The following TET3 variants were observed in gnomAD, a reference collection of about 807,000 sequenced individuals.
TET3 encodes the protein methylcytosine dioxygenase TET3.
In TET3, 19 loss-of-function variants were observed where a neutral mutation model predicts 141.4. The observed-to-expected ratio is 0.13, with a 90% confidence interval of 0.09 to 0.20. The LOEUF (loss-of-function observed/expected upper bound fraction) is 0.20. Among genes scored for constraint, TET3 ranks in the 10% least tolerant of loss-of-function variants. TET3 has a pLI of 1.00. For synonymous variants in TET3, 1,043 were observed against 980.9 expected (o/e 1.06, Z -1.18); for missense variants, 1,874 against 2,356.9 (o/e 0.80, Z 4.24).
At chr2:74,117,512 G>T in the TET3 span, among the ~76,000 whole-genome samples, 1 of 151,960 alleles carries the variant, frequency 6.6e-6, no homozygotes, top group Non-Finnish European at 1.5e-5. Flanking sequence ...GAGTACCTGG[G>T]ACCACAGGCA....
At position 74,047,244 on chromosome 2, in the gene TET3, C is replaced by T; in HGVS notation, c.1327C>T (p.Pro443Ser). Reference protein sequence around the residue: ...FPEAWGTDTPPATPRSSWPMP... With the variant: ...FPEAWGTDTPSATPRSSWPMP... ...TGAAGCCTGGGGCACTGACACCCCT[C>T]CAGCAACGCCCCGGAGCTCCTGGCC... The change falls in exon 4 of 12, where the codon CCA (proline) becomes TCA (serine). Residue 443 changes from proline to serine, a missense_variant. Pro to Ser is a moderately conservative substitution (Grantham distance 74, BLOSUM62 -1). This residue lies in a region of TET3 where 484 missense variants were observed against 462.2 expected (regional missense o/e 1.05). Coordinates refer to ENST00000409262, the MANE Select transcript of TET3 (RefSeq NM_001287491.2). 1 of 1,614,034 alleles carries T rather than the reference C, an allele frequency of 6.2e-7. No homozygotes were observed. Among genetic ancestry groups the T allele is most frequent in the Non-Finnish European group, 8.5e-7 (1 of 1,179,894 alleles).
At chr2:74,078,030 A>T (rs940563713) in intron 5 of TET3, among the ~76,000 whole-genome samples, 2 of 152,224 alleles carry the variant, frequency 1.3e-5, no homozygotes, top group Non-Finnish European at 2.9e-5. Context: ...TGCTTTCTGT[A>T]AGAGAACAGA....
At chr2:74,065,493 C>T (rs1688830464) in intron 4 of TET3, among the ~76,000 whole-genome samples, 1 of 151,762 alleles carries the variant, frequency 6.6e-6, no homozygotes, top group Non-Finnish European at 1.5e-5. Flanking sequence ...GGCACATCAT[C>T]CTTTTCCTGC....
chr2:74,094,230 G>A (rs776462518), intron 10 of TET3, among the ~76,000 whole-genome samples: 3 of 152,188 alleles, frequency 2.0e-5, no homozygotes, highest in South Asian at 4.1e-4. Context: ...TGTGAATGGC[G>A]CAAGAGAGTG....
rs1354301783 is a variant in TET3, at chr2:74,046,623, A to G, written c.706A>G (p.Ser236Gly). The change falls in exon 4 of 12, where the codon AGC becomes GGC. Residue 236 changes from serine (S) to glycine (G), a missense_variant. By Grantham distance (56) the Ser-to-Gly change is moderately conservative (BLOSUM62 0). Coordinates refer to ENST00000409262, the MANE Select transcript of TET3 (RefSeq NM_001287491.2). The surrounding 1 kb of genome is among the most constrained non-coding windows in gnomAD (Gnocchi z 4.3). ...GATGAGTCGTGAGGCTGGGAACAAC[A>G]GCAGGGGACCCCGGCCAGGGCCTGA... ...REMSREAGNN[S>G]RGPRPGPEGC... 6.2e-7 allele frequency: 1 copy of G among 1,613,930 alleles called. No homozygotes were observed. The highest frequency in any genetic ancestry group is 8.5e-7 in the Non-Finnish European group (1 of 1,179,894).
intron 4 of TET3, among the ~76,000 whole-genome samples, chr2:74,061,593 G>A (rs947081311): frequency 1.3e-5 from 2 of 149,540 alleles, no homozygotes; most frequent in Non-Finnish European, 3.0e-5. Context: ...CCGGGCGGGG[G>A]GCTGACCCCC....
chr2:74,107,167 G>C lies in TET3; in HGVS notation c.*4991G>C, dbSNP rs1191061325. 5 of 152,334 alleles carry C rather than the reference G, an allele frequency of 3.3e-5. No homozygotes were observed. Among genetic ancestry groups the C allele is most frequent in the African/African-American group, 9.6e-5 (4 of 41,466 alleles). The allele number at this position is 152,334 out of a possible 1,614,324, so 9.4% of individuals were successfully genotyped here. A position where few individuals can be genotyped will look rare whatever the true frequency, so the allele number is the denominator to read the frequency against. On this transcript the variant is annotated 3_prime_UTR_variant, in exon 12 of 12. Transcript: ENST00000409262. ...TCCCACATCCAGGTGCACAGAGTGC[G>C]AGTGCACTCCGCGAGTGCGGGGGGA...
intron 3 of TET3, among the ~76,000 whole-genome samples, chr2:74,040,677 C>T (rs1265846770): frequency 6.6e-6 from 1 of 151,962 alleles, no homozygotes; most frequent in Admixed American, 6.6e-5. Flanking sequence ...TTTGGGAGGC[C>T]GGGGCAGGAA....
At chr2:74,108,429 GTT>G (rs1314468758), downstream of TET3, among the ~76,000 whole-genome samples, 1 of 152,146 alleles carries the variant, frequency 6.6e-6, no homozygotes, top group East Asian at 1.9e-4. Context: ...TTCTCTTTTT[GTT>G]TTCTTTCCCT....
chr2:74,059,392 A>G (rs907742858), intron 4 of TET3, among the ~76,000 whole-genome samples: 10 of 152,194 alleles, frequency 6.6e-5, no homozygotes, highest in Non-Finnish European at 1.3e-4. Flanking sequence ...AGCTGGGACT[A>G]CAGGCATGCG....
chr2:74,047,034 C>T lies in TET3; in HGVS notation c.1117C>T (p.Pro373Ser). ...LTQLSSALPQ[P>S]SHSTPQASCP... is the part of the protein sequence containing the mutation. ...ACAGCTCTCCTCTGCCCTCCCGCAG[C>T]CTTCTCATTCCACCCCCCAGGCTTC... The change falls in exon 4 of 12, where the codon CCT becomes TCT. Residue 373 changes from proline (P) to serine (S), a missense_variant. Physicochemically the swap from Pro to Ser is moderately conservative, Grantham distance 74. Coordinates refer to ENST00000409262, the MANE Select transcript of TET3 (RefSeq NM_001287491.2). The T allele has an allele frequency of 6.2e-7, 1 of 1,613,882 alleles. No homozygotes were observed. The highest frequency in any genetic ancestry group is 8.5e-7 in the Non-Finnish European group (1 of 1,179,846).
chr2:74,132,292 CCAAAA>C, the TET3 span, among the ~76,000 whole-genome samples: 1 of 151,996 alleles, frequency 6.6e-6, no homozygotes, highest in African/African-American at 2.4e-5. Flanking sequence ...CCTGGGAACT[CCAAAA>C]GAAAGTTTGC....
chr2:74,101,300 T>A lies in TET3; in HGVS notation c.4512T>A (p.Ser1504=). The part of the protein sequence containing the change: ...PGEGQQAASH[S]GGRLRGKPWS... ...AGGGGCAGCAGGCAGCTTCCCACTC[T>A]GGAGGACGGCTGCGAGGCAAACCGT... The change falls in exon 12 of 12, where the codon TCT becomes TCA. Residue 1504 remains serine (S), a synonymous_variant. Transcript: ENST00000409262. This position sits in a 1 kb window ranked among gnomAD's most constrained non-coding sequence, Gnocchi z 8.5. 6.2e-7 allele frequency: 1 copy of A among 1,613,254 alleles called. No individual in the cohort carries two copies. The highest frequency in any genetic ancestry group is 8.5e-7 in the Non-Finnish European group (1 of 1,179,638).
At chr2:74,071,353 G>A (rs1198685936) in intron 4 of TET3, among the ~76,000 whole-genome samples, 1 of 152,250 alleles carries the variant, frequency 6.6e-6, no homozygotes, top group African/African-American at 2.4e-5. Context: ...GACTCTTGCA[G>A]ACAGTGTTGC....
intron 4 of TET3, among the ~76,000 whole-genome samples, chr2:74,063,008 C>T (rs536566265): frequency 3.3e-5 from 5 of 151,592 alleles, no homozygotes; most frequent in South Asian, 2.1e-4. Context: ...CTCAGACTCC[C>T]GAGTAGCTGG....
At chr2:74,056,826 C>A (rs750630619) in intron 4 of TET3, among the ~76,000 whole-genome samples, 6 of 152,168 alleles carry the variant, frequency 3.9e-5, no homozygotes, top group Non-Finnish European at 7.4e-5. Context: ...ACCATGAATT[C>A]CAAGGTCTCT....
chr2:74,114,853 CA>C, the TET3 span, among the ~76,000 whole-genome samples: 205 of 43,876 alleles, frequency 4.7e-3, 1 homozygote, highest in South Asian at 9.0e-3. Context: ...GACTCTGTCT[CA>C]AAAAAAAAAA....
At chr2:74,086,542 C>T (rs908927292) in intron 6 of TET3, among the ~76,000 whole-genome samples, 11 of 152,152 alleles carry the variant, frequency 7.2e-5, no homozygotes, top group Non-Finnish European at 1.0e-4. Context: ...AATCCCAGCA[C>T]TTTGGAAGGC....
rs139386669 is a variant in TET3 at position 74,085,232 on chromosome 2, C to A, written c.2680-2598C>A. Among the ~76,000 whole-genome samples, 17 of 150,730 alleles carry A rather than the reference C, an allele frequency of 1.1e-4. No homozygotes were observed. The East Asian group carries it at 1.6e-3, about 14-fold the overall frequency. ...AAATCTGGATTTCCGTTTTTTTCTT[C>A]AAAATTGGAAGAATTAGCCTCACTG... On this transcript the variant is annotated intron_variant, in intron 6 of 11. Coordinates refer to ENST00000409262, the MANE Select transcript of TET3 (RefSeq NM_001287491.2).
Sources: allele counts gnomAD v4.1 joint callset (sites outside exome capture counted in the v4.1 genomes callset), GRCh38; gene constraint gnomAD v4.1.1; regional missense constraint gnomAD v4.1.1; non-coding constraint Gnocchi (gnomAD v3.1); transcripts MANE v1.5; gene names NCBI Gene and HGNC (gene_info 2026-07-23, HGNC 2026-07-21).